MCUB: variants seen among roughly 807,000 people sequenced by gnomAD.
MCUB encodes calcium uniporter regulatory subunit MCUb, mitochondrial.
MCUB carries 46 observed loss-of-function variants against 41.4 expected under a neutral mutation model. That is an observed-to-expected ratio of 1.11 (90% CI 0.88 to 1.42). The LOEUF (loss-of-function observed/expected upper bound fraction) is 1.42. Ranked by LOEUF, MCUB falls within the 40% of genes most tolerant of loss-of-function variation. MCUB has a pLI of 0.00. For missense variants in MCUB, 403 were observed against 404.9 expected (o/e 1.00, Z 0.04); for synonymous variants, 148 against 148.2 (o/e 1.00, Z 0.01).
At chr4:109,651,008 A>T (rs182222712) in intron 1 of MCUB, among the ~76,000 whole-genome samples, 298 of 152,164 alleles carry the variant, frequency 2.0e-3, no homozygotes, top group African/African-American at 7.0e-3. Context: ...CCCATTACTG[A>T]TAATATTAAT....
In MCUB at chr4:109,681,672, G is replaced by A. The variant is rs76116512; in HGVS notation, c.452-910G>A. ...TTAGGACAAACCCAGGCACTTAGCC[G>A]TGCAGGAACAAATGGCAAGCCTTTA... On this transcript the variant is annotated intron_variant, in intron 4 of 7. Coordinates refer to ENST00000394650, the MANE Select transcript of MCUB (RefSeq NM_017918.5). Among the ~76,000 whole-genome samples, 8 of 152,318 alleles carry A rather than the reference G, an allele frequency of 5.3e-5. No homozygotes were observed. The South Asian group carries it at 8.3e-4, about 16-fold the overall frequency.
intron 1 of MCUB, among the ~76,000 whole-genome samples, chr4:109,594,934 A>G (rs1246496217): frequency 6.6e-6 from 1 of 151,986 alleles, no homozygotes; most frequent in African/African-American, 2.4e-5. Flanking sequence ...AGAGAGCTCA[A>G]AGGGCTCTAG....
rs191752220 is a variant in MCUB, at chr4:109,604,569, T to G, written c.99+44133T>G. On this transcript the variant is annotated intron_variant, in intron 1 of 7. Transcript: ENST00000394650. ...TCAATACTATGGTAAATAACAGTGGTGAAAGTGGGCATCCTTGTCGTGTTC... is the reference window on the plus strand; with the variant it reads ...TCAATACTATGGTAAATAACAGTGGGGAAAGTGGGCATCCTTGTCGTGTTC... Among the ~76,000 whole-genome samples, 151 of 152,282 alleles carry G rather than the reference T, an allele frequency of 9.9e-4. No homozygotes were observed. In the East Asian group the frequency reaches 0.026, roughly 27 times the overall value.
At chr4:109,565,875 G>A (rs1003475252) in intron 1 of MCUB, among the ~76,000 whole-genome samples, 11 of 128,664 alleles carry the variant, frequency 8.5e-5, no homozygotes, top group Admixed American at 3.4e-4. Flanking sequence ...TCATGCTCTT[G>A]TTGCCCAGGC....
At chr4:109,579,931 C>T (rs11943264) in intron 1 of MCUB, among the ~76,000 whole-genome samples, 28,713 of 151,946 alleles carry the variant, frequency 0.19, 3,706 homozygotes, top group African/African-American at 0.36. Flanking sequence ...ATGTGCACAA[C>T]GTGCAGTTTG....
At chr4:109,682,324 CT>C (rs11411542) in intron 4 of MCUB, among the ~76,000 whole-genome samples, 9,719 of 147,178 alleles carry the variant, frequency 0.066, 1,036 homozygotes, top group African/African-American at 0.23. Context: ...TTTTTGGTGA[CT>C]TTTTTTTTTT....
chr4:109,588,750 T>C (rs933416915), intron 1 of MCUB, among the ~76,000 whole-genome samples: 2 of 152,198 alleles, frequency 1.3e-5, no homozygotes, highest in Admixed American at 6.5e-5. Flanking sequence ...CCCTGTCATG[T>C]GTATCAAGAA....
chr4:109,630,211 A>G (rs1030301829), intron 1 of MCUB, among the ~76,000 whole-genome samples: 8 of 152,206 alleles, frequency 5.3e-5, no homozygotes, highest in Non-Finnish European at 1.0e-4. Context: ...CTATAATCCC[A>G]GCTACTTGAG....
At chr4:109,603,734 C>A (rs1727802140) in intron 1 of MCUB, among the ~76,000 whole-genome samples, 1 of 151,428 alleles carries the variant, frequency 6.6e-6, no homozygotes. Flanking sequence ...AAGTGAGGAG[C>A]CCCTCCGCCC....
At chr4:109,563,970 C>G (rs1726701863) in intron 1 of MCUB, among the ~76,000 whole-genome samples, 2 of 152,156 alleles carry the variant, frequency 1.3e-5, no homozygotes, top group African/African-American at 4.8e-5. Flanking sequence ...ATAAGATCCT[C>G]AGGAAGAACT....
At chr4:109,680,107 G>T (rs935632784) in intron 4 of MCUB, among the ~76,000 whole-genome samples, 1 of 152,068 alleles carries the variant, frequency 6.6e-6, no homozygotes, top group African/African-American at 2.4e-5. Context: ...TGGCCTGAGG[G>T]TATAAATTTT....
chr4:109,578,109 G>A (rs935225641), intron 1 of MCUB, among the ~76,000 whole-genome samples: 10 of 152,256 alleles, frequency 6.6e-5, no homozygotes, highest in African/African-American at 1.7e-4. Context: ...GCTCAGTATC[G>A]TATCTGTAGC....
intron 1 of MCUB, among the ~76,000 whole-genome samples, chr4:109,566,469 CAAAAAA>C (rs60385848): frequency 7.6e-6 from 1 of 132,386 alleles, no homozygotes; most frequent in East Asian, 2.2e-4. Context: ...GACTCTGTCT[CAAAAAA>C]AAAAAAATAA....
intron 1 of MCUB, among the ~76,000 whole-genome samples, chr4:109,564,111 G>A (rs1018308512): frequency 6.6e-6 from 1 of 151,990 alleles, no homozygotes; most frequent in African/African-American, 2.4e-5. Flanking sequence ...ATTTATTTCT[G>A]CTTATAGGCT....
At chr4:109,611,817 A>T (rs139865641) in intron 1 of MCUB, among the ~76,000 whole-genome samples, 397 of 152,346 alleles carry the variant, frequency 2.6e-3, no homozygotes, top group Admixed American at 7.6e-3. Context: ...GCAGATGGCA[A>T]ACTGGGGCAT....
chr4:109,667,175 C>T (rs1020093951), intron 4 of MCUB, among the ~76,000 whole-genome samples: 15 of 151,946 alleles, frequency 9.9e-5, no homozygotes, highest in African/African-American at 3.4e-4. Flanking sequence ...TAGTTTCTTC[C>T]TTTGATGTTT....
intron 1 of MCUB, among the ~76,000 whole-genome samples, chr4:109,574,622 A>G (rs548479954): frequency 2.0e-5 from 3 of 152,304 alleles, no homozygotes; most frequent in Non-Finnish European, 2.9e-5. Flanking sequence ...AAGGTCCCAG[A>G]TCTATTTTCA....
Position 109,687,662 on chromosome 4 carries a change from C to T in MCUB, c.*70C>T. 2.2e-6 allele frequency: 2 copies of T among 891,488 alleles called. No individual in the cohort carries two copies. 55.2% of individuals were successfully genotyped at this position (891,488 alleles called of 1,614,324 possible). ...TTTGCAACTTAGGATGTTTTTGAGT[C>T]CCATGGTTCATTTTGATTGTTTAAT... On this transcript the variant is annotated 3_prime_UTR_variant, in exon 8 of 8. Transcript: ENST00000394650.
At chr4:109,667,272 G>A (rs1261994207) in intron 4 of MCUB, among the ~76,000 whole-genome samples, 1 of 152,006 alleles carries the variant, frequency 6.6e-6, no homozygotes, top group Non-Finnish European at 1.5e-5. Context: ...ATAGGTATAG[G>A]CTTATGTAGA....
Sources: allele counts gnomAD v4.1 joint callset (sites outside exome capture counted in the v4.1 genomes callset), GRCh38; gene constraint gnomAD v4.1.1; transcripts MANE v1.5; gene names NCBI Gene and HGNC (gene_info 2026-07-23, HGNC 2026-07-21).